Variants in HECW1 observed in about 807,000 individuals in gnomAD.
The protein encoded by HECW1 is HECT, C2 and WW domain containing E3 ubiquitin protein ligase 1, also known as E3 ubiquitin-protein ligase HECW1.
Under a neutral mutation model 182.3 loss-of-function variants are expected in HECW1, and 61 were observed. That is an observed-to-expected ratio of 0.33 (90% CI 0.27 to 0.41). HECW1 has a LOEUF of 0.41. HECW1 is among the 10% of genes least tolerant of loss of function. The probability of loss-of-function intolerance (pLI) is 1.00; values close to 1 mark genes in which losing one functional copy is unlikely to be tolerated. For missense variants in HECW1, 1,739 were observed against 2,108.9 expected (o/e 0.82, Z 3.44); for synonymous variants, 859 against 832.6 (o/e 1.03, Z -0.55).
chr7:43,456,937 C>T (rs1034590688), intron 13 of HECW1, among the ~76,000 whole-genome samples: 13 of 152,148 alleles, frequency 8.5e-5, no homozygotes, highest in Non-Finnish European at 1.5e-4. Flanking sequence ...TAAACTGTCT[C>T]ATAAATCACT....
chr7:43,550,450 G>A lies in HECW1; in HGVS notation c.4254G>A (p.Thr1418=), dbSNP rs199970050. The A allele has an allele frequency of 7.3e-5, 118 of 1,614,082 alleles. No homozygotes were observed. Among genetic ancestry groups the A allele is most frequent in the Middle Eastern group, 4.9e-4 (3 of 6,062 alleles). Residue 1418 remains threonine, a synonymous_variant, in exon 27 of 30, where the codon ACG becomes ACA. Transcript: ENST00000395891. ...TATTTCTGTTTTCCTACAAGGTCAC[G>A]GAAAGGGAGTTGAAGTCTGGAGGAG... The part of the protein sequence containing the change: ...TVNEEVFGQV[T]ERELKSGGAN...
intron 16 of HECW1, among the ~76,000 whole-genome samples, chr7:43,475,643 T>C (rs916933923): frequency 6.6e-6 from 1 of 152,190 alleles, no homozygotes; most frequent in African/African-American, 2.4e-5. Context: ...CTCGACTTCC[T>C]GTGCTCCAGC....
At chr7:43,219,799 T>G (rs1023157698) in intron 2 of HECW1, among the ~76,000 whole-genome samples, 4 of 152,228 alleles carry the variant, frequency 2.6e-5, no homozygotes, top group Non-Finnish European at 5.9e-5. Context: ...GGATTTCATT[T>G]CTGCCTTTTA....
rs57196739 is a variant in HECW1 at position 43,446,154 on chromosome 7, T to TTTGTTGTTGTTG, written c.2398+597_2398+608dup. 3.9e-3 allele frequency among the ~76,000 whole-genome samples: 587 copies of TTTGTTGTTGTTG among 151,830 alleles called. 5 individuals are homozygous for TTTGTTGTTGTTG. Among genetic ancestry groups the TTTGTTGTTGTTG allele is most frequent in the African/African-American group, 3.5e-3 (143 of 41,342 alleles). On this transcript the variant is annotated intron_variant, in intron 11 of 29. Coordinates refer to ENST00000395891, the MANE Select transcript of HECW1 (RefSeq NM_015052.5). ...TTCTTGTTATTACTGTTGGTTTTGT[T>TTTGTTGTTGTTG]TTGTTGTTGTTGTTGTTGTTGTTGG...
intron 15 of HECW1, among the ~76,000 whole-genome samples, chr7:43,468,663 A>G (rs1298892085): frequency 2.0e-5 from 3 of 152,132 alleles, no homozygotes; most frequent in African/African-American, 4.8e-5. Flanking sequence ...TGGGATCACA[A>G]GCACATGCCA....
intron 5 of HECW1, among the ~76,000 whole-genome samples, chr7:43,322,213 G>A (rs1004330517): frequency 6.6e-6 from 1 of 152,146 alleles, no homozygotes; most frequent in Admixed American, 6.5e-5. Context: ...GGGATTACAG[G>A]CACCTGCCAC....
chr7:43,294,876 GA>G (rs556597082), intron 3 of HECW1, among the ~76,000 whole-genome samples: 61 of 152,236 alleles, frequency 4.0e-4, no homozygotes, highest in African/African-American at 1.4e-3. Flanking sequence ...GGTGGTCAGG[GA>G]ACAGCTTGGT....
In HECW1 at chr7:43,376,273, G is replaced by A. The variant is rs555553132; in HGVS notation, c.555+15293G>A. ...GAATCCATATAAACAGAAGAAAAAT[G>A]TCACCGTAATAATCTCACCACCCAA... On this transcript the variant is annotated intron_variant, in intron 6 of 29. Transcript: ENST00000395891. Among the ~76,000 whole-genome samples the A allele has an allele frequency of 1.5e-3, 235 of 152,140 alleles. 2 individuals are homozygous for A. The highest frequency in any genetic ancestry group is 5.5e-3 in the African/African-American group (229 of 41,504).
chr7:43,274,179 A>G lies in HECW1; in HGVS notation c.27+30247A>G, dbSNP rs1375868947. 5 of 458,510 alleles carry G rather than the reference A, an allele frequency of 1.1e-5. No individual in the cohort carries two copies. In the South Asian group the frequency reaches 1.9e-4, roughly 17 times the overall value. The allele number at this position is 458,510 out of a possible 1,614,324, so 28.4% of individuals were successfully genotyped here. ...ACGCCATGAAGGCCTCGGGTGCACTAAAAGAGTACAAGGTGGTGGTCTCTC... is the reference window on the plus strand; with the variant it reads ...ACGCCATGAAGGCCTCGGGTGCACTGAAAGAGTACAAGGTGGTGGTCTCTC... On this transcript the variant is annotated intron_variant, in intron 3 of 29. Coordinates refer to ENST00000395891, the MANE Select transcript of HECW1 (RefSeq NM_015052.5).
chr7:43,523,972 C>G (rs1020093160), intron 24 of HECW1, among the ~76,000 whole-genome samples: 1 of 151,980 alleles, frequency 6.6e-6, no homozygotes, highest in Non-Finnish European at 1.5e-5. Flanking sequence ...AGGCAAAAAA[C>G]TTCACTTTTG....
intron 2 of HECW1, among the ~76,000 whole-genome samples, chr7:43,167,783 AC>A (rs1213560473): frequency 6.6e-6 from 1 of 152,226 alleles, no homozygotes; most frequent in African/African-American, 2.4e-5. Context: ...CAAAAGTGTT[AC>A]TAGGATCACC....
chr7:43,219,780 T>C (rs1009486569), intron 2 of HECW1, among the ~76,000 whole-genome samples: 5 of 152,216 alleles, frequency 3.3e-5, no homozygotes, highest in Non-Finnish European at 7.3e-5. Context: ...TACAGGGCTG[T>C]CTGCTTGTGG....
intron 2 of HECW1, among the ~76,000 whole-genome samples, chr7:43,151,553 A>G (rs1022817394): frequency 2.6e-5 from 4 of 152,222 alleles, no homozygotes; most frequent in African/African-American, 7.2e-5. Flanking sequence ...TGTGGGGGAT[A>G]TTGTGCCAAA....
rs10233484 is a variant in HECW1, at chr7:43,256,684, T to A, written c.27+12752T>A. Among the ~76,000 whole-genome samples, 336 of 151,644 alleles carry A rather than the reference T, an allele frequency of 2.2e-3. 1 individual carries two copies. Among genetic ancestry groups the A allele is most frequent in the Middle Eastern group, 0.01 (3 of 290 alleles). ...GATTAATAATATCATGGTGAAATAC[T>A]GGAATAATTAATAAGTAGTACATTA... is the stretch of plus-strand genomic sequence containing the variant. On this transcript the variant is annotated intron_variant, in intron 3 of 29. Coordinates refer to ENST00000395891, the MANE Select transcript of HECW1 (RefSeq NM_015052.5).
At chr7:43,250,867 C>G (rs1216409621) in intron 3 of HECW1, among the ~76,000 whole-genome samples, 1 of 152,210 alleles carries the variant, frequency 6.6e-6, no homozygotes, top group Non-Finnish European at 1.5e-5. Context: ...CTGGGCCCAC[C>G]CTCTGCTTAG....
intron 2 of HECW1, among the ~76,000 whole-genome samples, chr7:43,177,302 T>G (rs1019752404): frequency 6.6e-6 from 1 of 152,156 alleles, no homozygotes; most frequent in Admixed American, 6.5e-5. Flanking sequence ...TCTCTGATCA[T>G]TGGTGGTGGG....
At chr7:43,150,656 G>A (rs1789205058) in intron 2 of HECW1, among the ~76,000 whole-genome samples, 1 of 152,212 alleles carries the variant, frequency 6.6e-6, no homozygotes, top group African/African-American at 2.4e-5. Flanking sequence ...TGGGATTACA[G>A]GCATGAGCCA....
intron 23 of HECW1, 127 bp from the exon 24 acceptor site, chr7:43,508,842 G>A (rs2079719198): frequency 2.2e-6 from 2 of 896,328 alleles, no homozygotes; most frequent in Non-Finnish European, 3.5e-6. Flanking sequence ...TCACTCCAAA[G>A]AGCAGAGGCT....
At chr7:43,488,852 C>A (rs1456505459) in intron 17 of HECW1, among the ~76,000 whole-genome samples, 6 of 152,202 alleles carry the variant, frequency 3.9e-5, no homozygotes, top group Admixed American at 2.0e-4. Flanking sequence ...AGCCGTATCT[C>A]CCCCTGTGTT....
Sources: gnomAD v4.1 joint callset for allele counts (sites outside exome capture counted in the v4.1 genomes callset) on GRCh38, gnomAD v4.1.1 for gene constraint, MANE v1.5 for transcripts, NCBI Gene and HGNC (gene_info 2026-07-23, HGNC 2026-07-21) for gene names.